The following PCMTD2 variants were observed in gnomAD, a reference collection of about 807,000 sequenced individuals.
PCMTD2 encodes the protein protein-L-isoaspartate (D-aspartate) O-methyltransferase domain containing 2, also known as protein-L-isoaspartate O-methyltransferase domain-containing protein 2.
PCMTD2 carries 16 observed loss-of-function variants against 33.4 expected under a neutral mutation model. That is an observed-to-expected ratio of 0.48 (90% CI 0.32 to 0.73). PCMTD2 has a LOEUF of 0.73. PCMTD2 is among the 30% of genes least tolerant of loss of function. PCMTD2 has a pLI of 0.03. For synonymous variants in PCMTD2, 161 were observed against 160.8 expected, an observed-to-expected ratio of 1.00 and a Z score of -0.01; for missense variants, 374 against 449.9, an observed-to-expected ratio of 0.83 and a Z score of 1.53.
At chr20:64,269,436 T>C (rs941473244) in intron 5 of PCMTD2, among the ~76,000 whole-genome samples, 2 of 152,162 alleles carry the variant, frequency 1.3e-5, no homozygotes, top group Non-Finnish European at 2.9e-5. Context: ...TGGATGCTTG[T>C]TTTGAGGAGA....
intron 4 of PCMTD2, among the ~76,000 whole-genome samples, chr20:64,267,174 G>A (rs1568735501): frequency 2.6e-5 from 4 of 152,186 alleles, no homozygotes; most frequent in Admixed American, 6.5e-5. Context: ...CACACAGAGT[G>A]CACAGAGGGT....
At position 64,272,141 on chromosome 20, in the gene PCMTD2, C is replaced by T. The variant is rs114220413; in HGVS notation, c.707-1080C>T. The T allele has an allele frequency of 5.2e-3, 1,961 of 379,478 alleles. 24 individuals are homozygous for T. Among genetic ancestry groups the T allele is most frequent in the African/African-American group, 0.043 (1,742 of 40,354 alleles). The allele number at this position is 379,478 out of a possible 1,614,324, so 23.5% of individuals were successfully genotyped here. On this transcript the variant is annotated intron_variant, in intron 5 of 5. Coordinates refer to ENST00000308824, the MANE Select transcript of PCMTD2 (RefSeq NM_018257.3). ...TTGAAGGGAGAAGGTGCTACTTACT[C>T]ACTACCAGGGGCCTGGGACACAAGC... is the stretch of plus-strand genomic sequence containing the variant.
Position 64,267,970 on chromosome 20 carries a change from C to G in PCMTD2, c.666C>G (p.Pro222=). 6.2e-7 allele frequency: 1 copy of G among 1,612,882 alleles called. No homozygotes were observed. Among genetic ancestry groups the G allele is most frequent in the Non-Finnish European group, 8.5e-7 (1 of 1,178,934 alleles). ...LAVSFAPLIQ[P]CHSESGKSRL... ...TTTCTTTTGCTCCTCTGATCCAGCCCTGCCATTCAGAGTCAGGAAAATCAA... is the reference window on the plus strand; with the variant it reads ...TTTCTTTTGCTCCTCTGATCCAGCCGTGCCATTCAGAGTCAGGAAAATCAA... Residue 222 remains proline, a synonymous_variant, in exon 5 of 6, where the codon CCC becomes CCG. Transcript: ENST00000308824.
At chr20:64,266,937 TTAAA>T (rs1176618656) in intron 4 of PCMTD2, among the ~76,000 whole-genome samples, 2 of 152,222 alleles carry the variant, frequency 1.3e-5, no homozygotes. Flanking sequence ...TTAAAAATGT[TTAAA>T]TAAACATATG....
At chr20:64,260,354 T>C (rs1985356524) in intron 2 of PCMTD2, 82 bp downstream of exon 2, 1 of 968,720 alleles carries the variant, frequency 1.0e-6, no homozygotes, top group African/African-American at 1.6e-5. Context: ...AGTCTGCTAA[T>C]GGCCTGCCTG....
chr20:64,272,302 A>G (rs1985944984), intron 5 of PCMTD2: 2 of 318,704 alleles, frequency 6.3e-6, no homozygotes, highest in African/African-American at 5.0e-5. Flanking sequence ...GAAGTTGAGT[A>G]CTGGAGGGGA....
intron 4 of PCMTD2, among the ~76,000 whole-genome samples, chr20:64,267,448 C>A (rs1169073962): frequency 6.6e-6 from 1 of 152,260 alleles, no homozygotes; most frequent in South Asian, 2.1e-4. Context: ...CAGGACTTAG[C>A]CACCCTCCCA....
At chr20:64,260,488 T>G (rs939961157) in intron 2 of PCMTD2, among the ~76,000 whole-genome samples, 14 of 152,194 alleles carry the variant, frequency 9.2e-5, no homozygotes, top group Non-Finnish European at 1.5e-5. Context: ...GAGGGACCTC[T>G]CCTGTTCTCT....
intron 1 of PCMTD2, among the ~76,000 whole-genome samples, chr20:64,259,033 G>A (rs1467341269): frequency 2.6e-5 from 4 of 152,176 alleles, no homozygotes; most frequent in Non-Finnish European, 5.9e-5. Context: ...TTTTCTTCTT[G>A]AAGGCAGGTT....
intron 5 of PCMTD2, among the ~76,000 whole-genome samples, 162 bp downstream of exon 5, chr20:64,268,172 T>G (rs1985735267): frequency 1.0e-5 from 1 of 99,316 alleles, no homozygotes; most frequent in African/African-American, 3.4e-5. Flanking sequence ...TTATAAAAAT[T>G]ATAATCTATT....
rs963271356 is a variant in PCMTD2 at position 64,260,078 on chromosome 20, G to T, written c.113G>T (p.Arg38Leu). ...LVEQAFRAIDRADYYLEEFKE... is the reference protein window; with the variant it reads ...LVEQAFRAIDLADYYLEEFKE... ...GAGCAGGCTTTCAGAGCTATCGATC[G>T]TGCAGACTATTATCTTGAAGAATTT... is the stretch of plus-strand genomic sequence containing the variant. Residue 38 changes from arginine to leucine, a missense_variant, in exon 2 of 6, where the codon CGT (arginine) becomes CTT (leucine). By Grantham distance (102) the Arg-to-Leu change is moderately radical (BLOSUM62 -2). Transcript: ENST00000308824. 1.2e-6 allele frequency: 2 copies of T among 1,612,204 alleles called. No homozygotes were observed. The highest frequency in any genetic ancestry group is 1.7e-6 in the Non-Finnish European group (2 of 1,178,410).
chr20:64,263,361 C>T (rs1390893398), intron 2 of PCMTD2, among the ~76,000 whole-genome samples: 4 of 152,044 alleles, frequency 2.6e-5, no homozygotes, highest in Admixed American at 6.5e-5. Context: ...CAAATGGGGG[C>T]CAGGGAAGCC....
At chr20:64,273,019 A>G (rs1985968974) in intron 5 of PCMTD2, among the ~76,000 whole-genome samples, 1 of 152,222 alleles carries the variant, frequency 6.6e-6, no homozygotes, top group Admixed American at 6.5e-5. Flanking sequence ...GAATTGATGC[A>G]TTTGGAAATA....
chr20:64,263,150 G>A (rs780068313), intron 2 of PCMTD2, among the ~76,000 whole-genome samples: 4 of 152,222 alleles, frequency 2.6e-5, no homozygotes, highest in East Asian at 1.9e-4. Context: ...AGAATCAAGC[G>A]CTATTTTTGG....
intron 5 of PCMTD2, among the ~76,000 whole-genome samples, chr20:64,269,022 G>A (rs1985774216): frequency 6.6e-6 from 1 of 152,230 alleles, no homozygotes; most frequent in South Asian, 2.1e-4. Flanking sequence ...AGCAGTGGCA[G>A]GACATAAATC....
At chr20:64,268,041 T>G (rs73149703) in intron 5 of PCMTD2, 31 bp downstream of exon 5, 90 of 1,516,868 alleles carry the variant, frequency 5.9e-5, no homozygotes, top group Non-Finnish European at 7.8e-5. Flanking sequence ...TTATTTTATC[T>G]TTTAGATCTT....
chr20:64,269,346 T>C (rs1341175129), intron 5 of PCMTD2, among the ~76,000 whole-genome samples: 1 of 152,196 alleles, frequency 6.6e-6, no homozygotes, highest in Non-Finnish European at 1.5e-5. Flanking sequence ...ATGAGACTTT[T>C]TGAGGGTCTG....
rs375984565 is a variant in PCMTD2 at position 64,273,530 on chromosome 20, G to A, written c.1016G>A (p.Arg339His). 8.2e-6 allele frequency: 13 copies of A among 1,576,114 alleles called. No individual in the cohort carries two copies. The highest frequency in any genetic ancestry group is 3.9e-5 in the Admixed American group (2 of 51,706). ...TKPDPPVNFLRQKVLSLPLPD... is the reference protein window; with the variant it reads ...TKPDPPVNFLHQKVLSLPLPD... ...CCAGACCCCCCAGTGAACTTCCTACGCCAGAAGGTCCTGAGCCTCCCTCTG... is the reference window on the plus strand; with the variant it reads ...CCAGACCCCCCAGTGAACTTCCTACACCAGAAGGTCCTGAGCCTCCCTCTG... Residue 339 changes from arginine to histidine, a missense_variant, in exon 6 of 6, where the codon CGC (arginine) becomes CAC (histidine). Arg to His is a conservative substitution (Grantham distance 29). Transcript: ENST00000308824.
intron 2 of PCMTD2, among the ~76,000 whole-genome samples, 198 bp downstream of exon 2, chr20:64,260,470 A>C (rs2145754947): frequency 6.6e-6 from 1 of 152,270 alleles, no homozygotes; most frequent in Non-Finnish European, 1.5e-5. Flanking sequence ...TGGGCCCCGG[A>C]TTCTCCAGAG....
Sources: allele counts gnomAD v4.1 joint callset (sites outside exome capture counted in the v4.1 genomes callset), GRCh38; gene constraint gnomAD v4.1.1; transcripts MANE v1.5; gene names NCBI Gene and HGNC (gene_info 2026-07-23, HGNC 2026-07-21).